Variants in AFF2 observed in about 807,000 individuals in gnomAD.
AFF2 encodes ALF transcription elongation factor 2.
In AFF2, 14 loss-of-function variants were observed where a neutral mutation model predicts 76.9. The ratio of observed to expected loss-of-function variants is 0.18; its 90% CI spans 0.12 to 0.28. The LOEUF (loss-of-function observed/expected upper bound fraction) is 0.28, where lower values mean the gene tolerates loss of function less well. Among genes scored for constraint, AFF2 ranks in the 10% least tolerant of loss-of-function variants. The pLI is 1.00. For missense variants in AFF2, 868 were observed against 1,001.1 expected (o/e 0.87, Z 1.79); for synonymous variants, 398 against 366.7 (o/e 1.09, Z -0.98).
chrX:148,820,573 A>G (rs2070316303), intron 4 of AFF2, among the ~76,000 whole-genome samples: 1 of 112,010 alleles, frequency 8.9e-6, no homozygotes, highest in South Asian at 3.7e-4. Flanking sequence ...TAAGCAGAAT[A>G]TAACATTTTA....
chrX:148,583,211 A>C (rs782169196), intron 1 of AFF2, among the ~76,000 whole-genome samples: 1 of 111,585 alleles, frequency 9.0e-6, no homozygotes, highest in Non-Finnish European at 1.9e-5. Flanking sequence ...TACACTAAAA[A>C]CATCTAAATT....
At chrX:148,669,888 G>T (rs2054403595) in intron 3 of AFF2, among the ~76,000 whole-genome samples, 1 of 111,725 alleles carries the variant, frequency 9.0e-6, no homozygotes, top group Admixed American at 9.5e-5. Context: ...TAGGGTGCCA[G>T]AAAAGACTCT....
chrX:148,951,071 T>C (rs1285495995), intron 9 of AFF2, among the ~76,000 whole-genome samples: 1 of 111,480 alleles, frequency 9.0e-6, no homozygotes, highest in Non-Finnish European at 1.9e-5. Flanking sequence ...ATATTCAGCA[T>C]AGTACTTTTT....
At chrX:148,588,666 A>G (rs2053493105) in intron 1 of AFF2, among the ~76,000 whole-genome samples, 1 of 112,076 alleles carries the variant, frequency 8.9e-6, no homozygotes, top group African/African-American at 3.2e-5. Flanking sequence ...AGCAATATCA[A>G]AACAGTATGC....
At chrX:148,576,615 T>C (rs1256816163) in intron 1 of AFF2, among the ~76,000 whole-genome samples, 2 of 111,425 alleles carry the variant, frequency 1.8e-5, no homozygotes, top group Non-Finnish European at 3.8e-5. Context: ...ATAATTAATA[T>C]GGTTTTCTGA....
intron 3 of AFF2, among the ~76,000 whole-genome samples, chrX:148,742,197 A>G (rs1557265733): frequency 1.8e-5 from 2 of 112,363 alleles, no homozygotes; most frequent in Non-Finnish European, 1.9e-5. Context: ...AGTAGTGTCC[A>G]TGAGTTACAA....
chrX:148,771,358 A>T (rs2069585388), intron 3 of AFF2, among the ~76,000 whole-genome samples: 1 of 112,068 alleles, frequency 8.9e-6, no homozygotes, highest in South Asian at 3.7e-4. Context: ...AGAAGAAAAT[A>T]CCAGTTTTCA....
intron 8 of AFF2, among the ~76,000 whole-genome samples, chrX:148,887,506 A>G (rs1244581969): frequency 8.9e-6 from 1 of 112,324 alleles, no homozygotes; most frequent in Non-Finnish European, 1.9e-5. Flanking sequence ...CTTCCTCTTT[A>G]TGTAATTATA....
intron 9 of AFF2, among the ~76,000 whole-genome samples, chrX:148,916,172 A>G (rs1557282537): frequency 5.1e-5 from 5 of 98,480 alleles, no homozygotes; most frequent in Middle Eastern, 4.7e-3. Context: ...GTGATGGGTA[A>G]TAGACTTTTG....
At chrX:148,629,886 T>C (rs2053963102) in intron 1 of AFF2, among the ~76,000 whole-genome samples, 1 of 111,699 alleles carries the variant, frequency 9.0e-6, no homozygotes, top group Admixed American at 9.5e-5. Flanking sequence ...CCTTCTTCTC[T>C]GTGAACCCCC....
intron 3 of AFF2, among the ~76,000 whole-genome samples, chrX:148,695,128 A>G (rs2054703812): frequency 9.0e-6 from 1 of 111,465 alleles, no homozygotes; most frequent in Admixed American, 9.6e-5. Context: ...CATAAAGCAC[A>G]TTTTTAACTA....
chrX:148,886,272 G>C (rs1557279086), intron 8 of AFF2, among the ~76,000 whole-genome samples: 1 of 111,250 alleles, frequency 9.0e-6, no homozygotes, highest in African/African-American at 3.3e-5. Context: ...AAGCAATAGA[G>C]ATTGTCTTGC....
At chrX:148,582,397 T>C (rs1360378420) in intron 1 of AFF2, among the ~76,000 whole-genome samples, 1 of 111,674 alleles carries the variant, frequency 9.0e-6, no homozygotes, top group East Asian at 2.8e-4. Context: ...ACCCACAAAC[T>C]AATTAAAAAA....
intron 2 of AFF2, among the ~76,000 whole-genome samples, chrX:148,656,997 T>C (rs1348100130): frequency 3.6e-5 from 4 of 111,979 alleles, no homozygotes; most frequent in Non-Finnish European, 3.8e-5. Context: ...CTTTCTCTGA[T>C]CCATAGGTTT....
At chrX:148,749,800 C>T (rs1298537690) in intron 3 of AFF2, among the ~76,000 whole-genome samples, 2 of 110,883 alleles carry the variant, frequency 1.8e-5, no homozygotes, top group Non-Finnish European at 3.8e-5. Flanking sequence ...AACTGAGGCT[C>T]AGGAATGGTA....
At chrX:148,592,266 C>T in intron 1 of AFF2, among the ~76,000 whole-genome samples, 1 of 111,546 alleles carries the variant, frequency 9.0e-6, no homozygotes, top group East Asian at 2.8e-4. Context: ...AGGTGAGAAT[C>T]ACTGGAGCTG....
intron 1 of AFF2, among the ~76,000 whole-genome samples, chrX:148,645,213 T>C (rs2054133378): frequency 8.9e-6 from 1 of 111,923 alleles, no homozygotes; most frequent in Non-Finnish European, 1.9e-5. Context: ...TAAAGAGATT[T>C]ACATATCGCT....
intron 8 of AFF2, among the ~76,000 whole-genome samples, chrX:148,889,578 T>C (rs1218333443): frequency 8.9e-6 from 1 of 112,224 alleles, no homozygotes; most frequent in Admixed American, 9.5e-5. Flanking sequence ...GACACGATAG[T>C]GATTGCAGCC....
chrX:148,892,761 C>G (rs1488979653), intron 8 of AFF2, among the ~76,000 whole-genome samples: 1 of 112,306 alleles, frequency 8.9e-6, no homozygotes, highest in Non-Finnish European at 1.9e-5. Flanking sequence ...AACAGATACT[C>G]TTCCCTGCTG....
Sources: allele counts gnomAD v4.1 joint callset (sites outside exome capture counted in the v4.1 genomes callset), GRCh38; gene constraint gnomAD v4.1.1; transcripts MANE v1.5; gene names NCBI Gene and HGNC (gene_info 2026-07-23, HGNC 2026-07-21).